The following OSBPL10 variants were observed in gnomAD, a reference collection of about 807,000 sequenced individuals.
OSBPL10 encodes oxysterol-binding protein-related protein 10.
A neutral mutation model predicts 81.7 loss-of-function variants in OSBPL10; 49 were observed. The ratio of observed to expected loss-of-function variants is 0.60; its 90% CI spans 0.48 to 0.76. The LOEUF (loss-of-function observed/expected upper bound fraction) is 0.76. OSBPL10 is among the 30% of genes least tolerant of loss of function. The pLI is 0.00. For missense variants in OSBPL10, 923 were observed against 987.8 expected, an observed-to-expected ratio of 0.93 and a Z score of 0.88; for synonymous variants, 419 against 383.6, an observed-to-expected ratio of 1.09 and a Z score of -1.08.
chr3:31,897,431 G>T (rs948516790), intron 1 of OSBPL10, among the ~76,000 whole-genome samples: 1 of 152,064 alleles, frequency 6.6e-6, no homozygotes. Context: ...CTTCCACAGC[G>T]GTTCCACAGA....
chr3:31,965,509 G>T lies in OSBPL10; in HGVS notation c.281+15390C>A, dbSNP rs189453108. On this transcript the variant is annotated intron_variant, in intron 1 of 11. Coordinates refer to ENST00000396556, the MANE Select transcript of OSBPL10 (RefSeq NM_017784.5). ...TCTATTTTATATAATATATAAAATA[G>T]ATAATATATAAACTATTATATTATA... Among the ~76,000 whole-genome samples, 165 of 62,036 alleles carry T rather than the reference G, an allele frequency of 2.7e-3. 17 individuals carry two copies. Among genetic ancestry groups the T allele is most frequent in the African/African-American group, 9.8e-3 (147 of 14,940 alleles). 40.7% of individuals were successfully genotyped at this position (62,036 alleles called of 152,430 possible).
intron 1 of OSBPL10, among the ~76,000 whole-genome samples, chr3:31,915,732 C>T (rs1575613742): frequency 6.6e-6 from 1 of 151,158 alleles, no homozygotes; most frequent in Admixed American, 6.6e-5. Flanking sequence ...CAAACCTGCC[C>T]GTGTACCTCC....
intron 1 of OSBPL10, among the ~76,000 whole-genome samples, chr3:31,944,850 A>T (rs1395620469): frequency 1.3e-5 from 1 of 74,184 alleles, no homozygotes; most frequent in African/African-American, 1.2e-4. Context: ...AAAAAAAAAA[A>T]AAAAAAAAAA....
At chr3:31,766,357 T>A (rs1698199858) in intron 4 of OSBPL10, among the ~76,000 whole-genome samples, 7 of 129,034 alleles carry the variant, frequency 5.4e-5, no homozygotes, top group South Asian at 5.7e-4. Context: ...GTTTTTTTTT[T>A]GAGACACGGT....
intron 1 of OSBPL10, among the ~76,000 whole-genome samples, chr3:31,962,365 ATTTC>A (rs1388347240): frequency 6.6e-6 from 1 of 152,336 alleles, no homozygotes; most frequent in East Asian, 1.9e-4. Flanking sequence ...CAATAAAGTT[ATTTC>A]ATGGGTATAG....
At chr3:31,954,053 A>C (rs543905890) in intron 1 of OSBPL10, among the ~76,000 whole-genome samples, 4 of 152,376 alleles carry the variant, frequency 2.6e-5, no homozygotes, top group African/African-American at 7.2e-5. Flanking sequence ...TGCACAAAGC[A>C]TGTCAAAATC....
chr3:31,833,697 A>ACGCACGCG (rs1700300781), intron 3 of OSBPL10, among the ~76,000 whole-genome samples: 1 of 128,036 alleles, frequency 7.8e-6, no homozygotes, highest in Admixed American at 7.6e-5. Context: ...AAACACGCAC[A>ACGCACGCG]CGCACACGCA....
At chr3:31,915,160 ATTT>A (rs55645684) in intron 1 of OSBPL10, among the ~76,000 whole-genome samples, 1 of 147,464 alleles carries the variant, frequency 6.8e-6, no homozygotes, top group Non-Finnish European at 1.5e-5. Context: ...CTTTGAACAC[ATTT>A]TTTTTTTTAA....
chr3:31,784,623 C>T (rs997870168), intron 4 of OSBPL10, among the ~76,000 whole-genome samples: 1 of 152,136 alleles, frequency 6.6e-6, no homozygotes, highest in Non-Finnish European at 1.5e-5. Flanking sequence ...CGCTTTGTCA[C>T]CCAGGCTGGA....
At chr3:31,930,716 A>G (rs1169385700) in intron 1 of OSBPL10, among the ~76,000 whole-genome samples, 1 of 152,116 alleles carries the variant, frequency 6.6e-6, no homozygotes, top group Non-Finnish European at 1.5e-5. Context: ...GCTACTGGGT[A>G]GAATAAAAAG....
intron 4 of OSBPL10, among the ~76,000 whole-genome samples, chr3:31,824,542 A>G (rs1186934974): frequency 6.6e-6 from 1 of 152,092 alleles, no homozygotes; most frequent in Admixed American, 6.5e-5. Context: ...GCAAGGTTTG[A>G]TATGTACAGT....
intron 1 of OSBPL10, among the ~76,000 whole-genome samples, chr3:31,965,997 A>AAT (rs368838696): frequency 0.17 from 21,831 of 126,024 alleles, 2,431 homozygotes; most frequent in East Asian, 0.4. Flanking sequence ...TATAAAATAT[A>AAT]ATATATATAT....
chr3:31,700,650 A>G (rs529625026), intron 7 of OSBPL10, among the ~76,000 whole-genome samples: 1 of 152,294 alleles, frequency 6.6e-6, no homozygotes, highest in East Asian at 1.9e-4. Context: ...ACAACTCACT[A>G]ATGGTTCATG....
intron 7 of OSBPL10, among the ~76,000 whole-genome samples, chr3:31,693,071 C>A (rs1695603648): frequency 6.6e-6 from 1 of 152,188 alleles, no homozygotes; most frequent in Admixed American, 6.5e-5. Context: ...GGAGAGATAA[C>A]AGGCTTTGCT....
At chr3:31,780,239 G>A (rs1698656755) in intron 4 of OSBPL10, among the ~76,000 whole-genome samples, 1 of 152,136 alleles carries the variant, frequency 6.6e-6, no homozygotes, top group Non-Finnish European at 1.5e-5. Context: ...CTTGCAGTGA[G>A]CCGAGATCAC....
At chr3:31,665,836 T>C (rs1700175075) in intron 10 of OSBPL10, among the ~76,000 whole-genome samples, 1 of 151,602 alleles carries the variant, frequency 6.6e-6, no homozygotes, top group South Asian at 2.1e-4. Flanking sequence ...GGTCAGGGGG[T>C]CCTCTGAAGG....
At chr3:31,737,191 T>C (rs1483973679) in intron 5 of OSBPL10, among the ~76,000 whole-genome samples, 1 of 152,140 alleles carries the variant, frequency 6.6e-6, no homozygotes, top group African/African-American at 2.4e-5. Flanking sequence ...AGCCGGTGCA[T>C]GAGAAAGACG....
chr3:31,773,890 G>A (rs1040908294), intron 4 of OSBPL10, among the ~76,000 whole-genome samples: 3 of 152,204 alleles, frequency 2.0e-5, no homozygotes, highest in Non-Finnish European at 2.9e-5. Flanking sequence ...AAGGCCAGGC[G>A]TGGTGGCTCA....
intron 2 of OSBPL10, among the ~76,000 whole-genome samples, chr3:32,009,615 A>T (rs575111101): frequency 6.6e-6 from 1 of 152,214 alleles, no homozygotes; most frequent in African/African-American, 2.4e-5. Context: ...GGATGATATT[A>T]TATATAAAAT....
Sources: gnomAD v4.1 joint callset for allele counts (sites outside exome capture counted in the v4.1 genomes callset) on GRCh38, gnomAD v4.1.1 for gene constraint, MANE v1.5 for transcripts, NCBI Gene and HGNC (gene_info 2026-07-23, HGNC 2026-07-21) for gene names.